PEBP4: variants seen among roughly 807,000 people sequenced by gnomAD.
PEBP4 encodes the protein phosphatidylethanolamine-binding protein 4.
In PEBP4, 22 loss-of-function variants were observed where a neutral mutation model predicts 23.9. The ratio of observed to expected loss-of-function variants is 0.92; its 90% confidence interval spans 0.66 to 1.31. The LOEUF is 1.31. Among genes scored for constraint, PEBP4 ranks in the 40% most tolerant of loss-of-function variants. The pLI, the probability that PEBP4 is intolerant of heterozygous loss-of-function variation, is 0.00. For missense variants in PEBP4, 324 were observed against 281.7 expected (o/e 1.15, Z -1.07); for synonymous variants, 112 against 99.3 (o/e 1.13, Z -0.76).
At chr8:22,874,545 AC>A (rs1365295393) in intron 3 of PEBP4, among the ~76,000 whole-genome samples, 3 of 152,024 alleles carry the variant, frequency 2.0e-5, no homozygotes, top group African/African-American at 7.3e-5. Flanking sequence ...TTTTGATACA[AC>A]CCCCCTTTCG....
chr8:22,848,753 G>A (rs543980689), intron 3 of PEBP4, among the ~76,000 whole-genome samples: 29 of 152,334 alleles, frequency 1.9e-4, no homozygotes, highest in Admixed American at 3.3e-4. Context: ...CTTCTGCTGT[G>A]TTTTCAGGGA....
chr8:22,738,888 C>T (rs1040726717), intron 4 of PEBP4, among the ~76,000 whole-genome samples: 10 of 152,190 alleles, frequency 6.6e-5, no homozygotes, highest in Admixed American at 1.3e-4. Flanking sequence ...CATGTACTCA[C>T]GCACTCCTCT....
At chr8:22,718,174 G>C (rs1305444135) in intron 6 of PEBP4, among the ~76,000 whole-genome samples, 2 of 152,082 alleles carry the variant, frequency 1.3e-5, no homozygotes, top group Non-Finnish European at 2.9e-5. Context: ...GTTTCGGGGT[G>C]GTGAGGGGTG....
At chr8:22,937,811 TG>T (rs1809559759) in intron 1 of PEBP4, among the ~76,000 whole-genome samples, 1 of 152,026 alleles carries the variant, frequency 6.6e-6, no homozygotes, top group Non-Finnish European at 1.5e-5. Context: ...TGTGTGTGTG[TG>T]TGTGTGTGTG....
In PEBP4 at chr8:22,713,384, T is replaced by A; in HGVS notation, c.670A>T (p.Ile224Leu). ...AAGCCGGCTATCTAGCAGGCAGCTA[T>A]CTCCGCCTGGTTTTTGTGCTTGGGC... ...SEPKHKNQAE[I>L]AAC The change falls in exon 7 of 7, where the codon ATA becomes TTA. Residue 224 changes from isoleucine (I) to leucine (L), a missense_variant. Physicochemically the swap from Ile to Leu is conservative, Grantham distance 5 (BLOSUM62 2). Coordinates refer to ENST00000256404, the MANE Select transcript of PEBP4 (RefSeq NM_144962.3). 1 of 1,585,394 alleles carries A rather than the reference T, an allele frequency of 6.3e-7. No homozygotes were observed. Among genetic ancestry groups the A allele is most frequent in the Non-Finnish European group, 8.6e-7 (1 of 1,167,146 alleles).
At chr8:22,728,588 C>CTTCCTTCG (rs1804670286) in intron 4 of PEBP4, among the ~76,000 whole-genome samples, 3 of 135,772 alleles carry the variant, frequency 2.2e-5, no homozygotes, top group African/African-American at 8.3e-5. Flanking sequence ...TCCTTCCTTC[C>CTTCCTTCG]TTCCTTCCTT....
At chr8:22,740,420 A>G (rs1243715383) in intron 4 of PEBP4, among the ~76,000 whole-genome samples, 3 of 152,264 alleles carry the variant, frequency 2.0e-5, no homozygotes, top group Non-Finnish European at 2.9e-5. Flanking sequence ...GAAATGCAGA[A>G]TCTCTCTCAG....
intron 3 of PEBP4, among the ~76,000 whole-genome samples, chr8:22,910,746 T>C (rs1351056062): frequency 2.0e-5 from 3 of 152,186 alleles, no homozygotes; most frequent in African/African-American, 7.2e-5. Context: ...TTTACAACAT[T>C]CTGGAGAAGG....
chr8:22,902,434 G>A (rs1365583787), intron 3 of PEBP4, among the ~76,000 whole-genome samples: 3 of 151,990 alleles, frequency 2.0e-5, no homozygotes, highest in African/African-American at 7.3e-5. Flanking sequence ...TGGATCACCT[G>A]GTAGCTTTAT....
chr8:22,800,249 T>C (rs185328332), intron 4 of PEBP4, among the ~76,000 whole-genome samples: 151 of 152,178 alleles, frequency 9.9e-4, no homozygotes, highest in Non-Finnish European at 1.7e-3. Context: ...GGGACTGCCC[T>C]GGGCCTGCTA....
At chr8:22,924,567 G>T in intron 2 of PEBP4, 2 of 712,492 alleles carry the variant, frequency 2.8e-6, no homozygotes, top group Non-Finnish European at 3.4e-6. Flanking sequence ...AACAGGTAGG[G>T]TTGGTGTTCA....
At chr8:22,883,502 T>G (rs556996072) in intron 3 of PEBP4, among the ~76,000 whole-genome samples, 1 of 151,714 alleles carries the variant, frequency 6.6e-6, no homozygotes, top group African/African-American at 2.4e-5. Flanking sequence ...GAAGGTTGTA[T>G]CTGCACACTT....
intron 4 of PEBP4, among the ~76,000 whole-genome samples, chr8:22,747,727 C>T (rs1056122265): frequency 2.6e-5 from 4 of 152,220 alleles, no homozygotes; most frequent in African/African-American, 4.8e-5. Context: ...GGGAAGGCTG[C>T]AGCCTGACTC....
chr8:22,842,508 G>C (rs1017331795), intron 3 of PEBP4, among the ~76,000 whole-genome samples: 1 of 152,130 alleles, frequency 6.6e-6, no homozygotes, highest in African/African-American at 2.4e-5. Flanking sequence ...AGTAATTGCT[G>C]CTCCCTACAA....
At chr8:22,789,362 A>G (rs2128756564) in intron 4 of PEBP4, among the ~76,000 whole-genome samples, 1 of 152,244 alleles carries the variant, frequency 6.6e-6, no homozygotes, top group Non-Finnish European at 1.5e-5. Flanking sequence ...AAGAAATTCA[A>G]GCTCCTAGGG....
intron 4 of PEBP4, among the ~76,000 whole-genome samples, chr8:22,776,375 T>A (rs1285380580): frequency 1.3e-5 from 2 of 152,144 alleles, no homozygotes; most frequent in African/African-American, 2.4e-5. Context: ...ATAAATTTGG[T>A]CTTTCAACAG....
intron 6 of PEBP4, among the ~76,000 whole-genome samples, chr8:22,717,666 G>C (rs1263237141): frequency 6.6e-6 from 1 of 152,186 alleles, no homozygotes; most frequent in East Asian, 1.9e-4. Flanking sequence ...CACTGGTTCT[G>C]GCTCCGGCTC....
chr8:22,792,270 C>A (rs1322486718), intron 4 of PEBP4, among the ~76,000 whole-genome samples: 6 of 152,080 alleles, frequency 3.9e-5, no homozygotes, highest in Admixed American at 3.9e-4. Context: ...GGAGAGACAG[C>A]CATTTGGGTG....
At chr8:22,835,475 G>C (rs1028601600) in intron 3 of PEBP4, among the ~76,000 whole-genome samples, 1 of 152,158 alleles carries the variant, frequency 6.6e-6, no homozygotes, top group Non-Finnish European at 1.5e-5. Context: ...CGGGAACACT[G>C]GTGCACATGG....
Sources: allele counts gnomAD v4.1 joint callset (sites outside exome capture counted in the v4.1 genomes callset), GRCh38; gene constraint gnomAD v4.1.1; transcripts MANE v1.5; gene names NCBI Gene and HGNC (gene_info 2026-07-23, HGNC 2026-07-21).